The following PTPRD variants were observed in gnomAD, a reference collection of about 807,000 sequenced individuals.
PTPRD encodes protein tyrosine phosphatase receptor type D.
In PTPRD, 34 loss-of-function variants were observed where a neutral mutation model predicts 214.5. The ratio of observed to expected loss-of-function variants is 0.16; its 90% confidence interval spans 0.12 to 0.21. The LOEUF (loss-of-function observed/expected upper bound fraction) is 0.21, where lower values mean the gene tolerates loss of function less well. Ranked by LOEUF, PTPRD falls within the 10% of genes least tolerant of loss-of-function variation. The probability of loss-of-function intolerance (pLI) is 1.00; values close to 1 mark genes in which losing one functional copy is unlikely to be tolerated. For missense variants in PTPRD, 2,545 were observed against 2,398.7 expected, an observed-to-expected ratio of 1.06 and a Z score of -1.27; for synonymous variants, 1,128 against 845.7, an observed-to-expected ratio of 1.33 and a Z score of -5.79.
intron 4 of PTPRD, among the ~76,000 whole-genome samples, chr9:9,956,477 T>C (rs2093941357): frequency 6.6e-6 from 1 of 152,158 alleles, no homozygotes; most frequent in Non-Finnish European, 1.5e-5. Flanking sequence ...GCCTGTGGGT[T>C]TGCAAAATAA....
intron 2 of PTPRD, among the ~76,000 whole-genome samples, chr9:10,441,213 C>T (rs1451298768): frequency 6.6e-6 from 1 of 151,690 alleles, no homozygotes; most frequent in African/African-American, 2.4e-5. Flanking sequence ...AGTTACCTTA[C>T]AATCATTCAA....
intron 14 of PTPRD, among the ~76,000 whole-genome samples, chr9:8,529,213 G>C (rs776723949): frequency 2.6e-5 from 4 of 152,074 alleles, no homozygotes; most frequent in Non-Finnish European, 4.4e-5. Flanking sequence ...AGGTAGGAAA[G>C]GTTTTGCCGA....
In PTPRD at chr9:8,960,417, C is replaced by T. The variant is rs530954225; in HGVS notation, c.-104+58280G>A. Among the ~76,000 whole-genome samples, 52 of 152,116 alleles carry T rather than the reference C, an allele frequency of 3.4e-4. 1 individual carries two copies. The highest frequency in any genetic ancestry group is 1.9e-4 in the East Asian group (1 of 5,158). On this transcript the variant is annotated intron_variant, in intron 11 of 45. Transcript: ENST00000381196. ...AGAGAAGTGGTCCCAGTAACAGGGA[C>T]GTGTACTAGGACATTGTGCTTTGCG...
intron 14 of PTPRD, among the ~76,000 whole-genome samples, chr9:8,547,213 C>T (rs2080439823): frequency 6.6e-6 from 1 of 152,056 alleles, no homozygotes; most frequent in South Asian, 2.1e-4. Context: ...CCATAACAGT[C>T]TGAGAAATGT....
intron 2 of PTPRD, among the ~76,000 whole-genome samples, chr9:10,580,748 T>C (rs1041705439): frequency 6.6e-6 from 1 of 152,172 alleles, no homozygotes; most frequent in African/African-American, 2.4e-5. Context: ...GACAAAGTGA[T>C]TGCACTGTAA....
Position 8,887,929 on chromosome 9 carries a change from A to T in PTPRD, c.-104+130768T>A, listed in dbSNP as rs539410897. On this transcript the variant is annotated intron_variant, in intron 11 of 45. Coordinates refer to ENST00000381196, the MANE Select transcript of PTPRD (RefSeq NM_002839.4). ...TGGAACTTACAGGAAGAACCATCTCAATTCTTGGAAAACCACAGCTTCCAG... is the reference window on the plus strand; with the variant it reads ...TGGAACTTACAGGAAGAACCATCTCTATTCTTGGAAAACCACAGCTTCCAG... 5.9e-5 allele frequency among the ~76,000 whole-genome samples: 9 copies of T among 152,016 alleles called. No individual in the cohort carries two copies. In the Middle Eastern group the frequency reaches 0.02, roughly 345 times the overall value.
intron 2 of PTPRD, among the ~76,000 whole-genome samples, chr9:10,436,111 A>C (rs1021346413): frequency 6.6e-6 from 1 of 151,832 alleles, no homozygotes; most frequent in African/African-American, 2.4e-5. Context: ...TAGAAGAATA[A>C]CACCCTCAAT....
At chr9:9,957,579 G>A (rs1269487438) in intron 4 of PTPRD, among the ~76,000 whole-genome samples, 1 of 152,032 alleles carries the variant, frequency 6.6e-6, no homozygotes, top group Non-Finnish European at 1.5e-5. Context: ...TTTTTCTAAT[G>A]CCATCACCAC....
At chr9:10,493,088 G>C (rs1338187517) in intron 2 of PTPRD, among the ~76,000 whole-genome samples, 1 of 152,058 alleles carries the variant, frequency 6.6e-6, no homozygotes, top group African/African-American at 2.4e-5. Flanking sequence ...CCTGCTGACG[G>C]AAATAAGAGA....
At chr9:10,152,519 T>C (rs2099067482) in intron 3 of PTPRD, among the ~76,000 whole-genome samples, 1 of 152,132 alleles carries the variant, frequency 6.6e-6, no homozygotes, top group Admixed American at 6.5e-5. Flanking sequence ...GGAATATTAT[T>C]GAGCCTTAAA....
At chr9:9,586,375 A>G (rs934745527) in intron 7 of PTPRD, among the ~76,000 whole-genome samples, 2 of 152,046 alleles carry the variant, frequency 1.3e-5, no homozygotes, top group African/African-American at 4.8e-5. Context: ...TATAATTGGC[A>G]TAATGGAAAT....
intron 14 of PTPRD, among the ~76,000 whole-genome samples, chr9:8,594,691 G>A (rs1247261877): frequency 6.6e-6 from 1 of 151,984 alleles, no homozygotes; most frequent in Non-Finnish European, 1.5e-5. Flanking sequence ...TGTCTTGCCT[G>A]CGGCCATGTA....
At chr9:8,518,496 A>C in intron 20 of PTPRD, 67 bp from the exon 21 acceptor site, 1 of 1,100,288 alleles carries the variant, frequency 9.1e-7, no homozygotes, top group South Asian at 1.6e-5. Flanking sequence ...AAATCTATAA[A>C]CTCTACTATG....
chr9:10,028,682 G>T (rs573623560), intron 4 of PTPRD, among the ~76,000 whole-genome samples: 1 of 152,228 alleles, frequency 6.6e-6, no homozygotes, highest in East Asian at 1.9e-4. Flanking sequence ...AACTTGAGGG[G>T]GATGATTTAG....
chr9:9,266,074 G>T (rs1569566104), intron 9 of PTPRD, among the ~76,000 whole-genome samples: 2 of 151,252 alleles, frequency 1.3e-5, no homozygotes, highest in Non-Finnish European at 3.0e-5. Flanking sequence ...AAAAGAAAGG[G>T]GTAGGGGTAA....
intron 8 of PTPRD, among the ~76,000 whole-genome samples, chr9:9,456,643 T>C (rs573375256): frequency 6.6e-6 from 1 of 152,072 alleles, no homozygotes; most frequent in African/African-American, 2.4e-5. Context: ...CTAATGTTTA[T>C]GGAGTGCTTA....
chr9:8,590,784 T>C (rs1394826500), intron 14 of PTPRD, among the ~76,000 whole-genome samples: 2 of 152,194 alleles, frequency 1.3e-5, no homozygotes, highest in African/African-American at 2.4e-5. Context: ...AATAGTTCTG[T>C]CTAAAATTAA....
intron 11 of PTPRD, among the ~76,000 whole-genome samples, chr9:8,986,458 A>T (rs946511214): frequency 1.3e-5 from 2 of 151,728 alleles, no homozygotes; most frequent in African/African-American, 4.8e-5. Flanking sequence ...ATATGCATAT[A>T]TGTCATATTT....
Position 8,688,176 on chromosome 9 carries a change from T to G in PTPRD, c.64+45604A>C, listed in dbSNP as rs561399710. The stretch of plus-strand genomic sequence containing the variant: ...TCATAAGGGACAGATGTATTTTTAT[T>G]TTTCCTTCTTATCCTTCTCATTTCC... On this transcript the variant is annotated intron_variant, in intron 12 of 45. Coordinates refer to ENST00000381196, the MANE Select transcript of PTPRD (RefSeq NM_002839.4). Among the ~76,000 whole-genome samples, 4 of 152,342 alleles carry G rather than the reference T, an allele frequency of 2.6e-5. No homozygotes were observed. In the East Asian group the frequency reaches 7.7e-4, roughly 29 times the overall value.
Sources: gnomAD v4.1 joint callset for allele counts (sites outside exome capture counted in the v4.1 genomes callset) on GRCh38, gnomAD v4.1.1 for gene constraint, MANE v1.5 for transcripts, NCBI Gene and HGNC (gene_info 2026-07-23, HGNC 2026-07-21) for gene names.